VPS13D: variants seen among roughly 807,000 people sequenced by gnomAD.
VPS13D encodes intermembrane lipid transfer protein VPS13D.
VPS13D carries 187 observed loss-of-function variants against 461.9 expected under a neutral mutation model. That is an observed-to-expected ratio of 0.40 (90% CI 0.36 to 0.46). The LOEUF (loss-of-function observed/expected upper bound fraction) is 0.46. VPS13D is among the 20% of genes least tolerant of loss of function. The probability of loss-of-function intolerance (pLI) is 0.60; values close to 1 mark genes in which losing one functional copy is unlikely to be tolerated. For missense variants in VPS13D, 4,711 were observed against 5,364.9 expected (o/e 0.88, Z 3.81); for synonymous variants, 1,951 against 1,986.3 (o/e 0.98, Z 0.47).
intron 13 of VPS13D, among the ~76,000 whole-genome samples, chr1:12,266,322 A>G (rs1641266763): frequency 6.6e-6 from 1 of 152,246 alleles, no homozygotes; most frequent in South Asian, 2.1e-4. Flanking sequence ...ATCACCTGCT[A>G]CAGAGAAATC....
intron 7 of VPS13D, 23 bp downstream of exon 7, chr1:12,253,849 T>C: frequency 6.2e-7 from 1 of 1,602,638 alleles, no homozygotes; most frequent in Non-Finnish European, 8.5e-7. Context: ...CAGGGAGATT[T>C]GTTGCAAGAC....
intron 16 of VPS13D, among the ~76,000 whole-genome samples, chr1:12,269,517 G>A (rs1420029280): frequency 6.6e-6 from 1 of 152,142 alleles, no homozygotes; most frequent in African/African-American, 2.4e-5. Flanking sequence ...GGATATTTTA[G>A]ACCAGTGAAC....
chr1:12,481,258 A>G (rs942503587), intron 67 of VPS13D, among the ~76,000 whole-genome samples: 3 of 152,154 alleles, frequency 2.0e-5, no homozygotes, highest in African/African-American at 7.2e-5. Flanking sequence ...GCAAGTCTGC[A>G]TCCCAGTACC....
At chr1:12,478,372 AG>A (rs1645663742) in intron 67 of VPS13D, among the ~76,000 whole-genome samples, 1 of 152,360 alleles carries the variant, frequency 6.6e-6, no homozygotes, top group South Asian at 2.1e-4. Flanking sequence ...ATGATCTGAA[AG>A]GGGGAGGTTC....
chr1:12,314,638 C>T (rs1393885122), intron 30 of VPS13D, among the ~76,000 whole-genome samples: 1 of 152,066 alleles, frequency 6.6e-6, no homozygotes, highest in East Asian at 1.9e-4. Context: ...AGAAATTATG[C>T]TGGTTTAAGG....
chr1:12,452,046 T>G (rs1645269769), intron 65 of VPS13D, among the ~76,000 whole-genome samples: 1 of 152,182 alleles, frequency 6.6e-6, no homozygotes, highest in Admixed American at 6.5e-5. Context: ...AAATTCAAAC[T>G]CAGGTGTGAT....
In VPS13D at chr1:12,389,546, A is replaced by G. The variant is rs1297560413; in HGVS notation, c.11634+3212A>G. 3.3e-5 allele frequency among the ~76,000 whole-genome samples: 5 copies of G among 152,238 alleles called. No homozygotes were observed. In the East Asian group the frequency reaches 9.6e-4, roughly 29 times the overall value. ...CATAATGAAGGAGAAAGGAAATAAAATGAAGATATTTTCTTAGTACAAGTG... is the reference window on the plus strand; with the variant it reads ...CATAATGAAGGAGAAAGGAAATAAAGTGAAGATATTTTCTTAGTACAAGTG... On this transcript the variant is annotated intron_variant, in intron 60 of 69. Transcript: ENST00000620676.
intron 18 of VPS13D, among the ~76,000 whole-genome samples, chr1:12,275,017 G>C (rs1025245372): frequency 1.3e-5 from 2 of 152,110 alleles, no homozygotes; most frequent in African/African-American, 4.8e-5. Flanking sequence ...TCAGGAGTTC[G>C]AGACCAGTCT....
intron 67 of VPS13D, among the ~76,000 whole-genome samples, chr1:12,477,125 A>G (rs1645642754): frequency 6.6e-6 from 1 of 152,178 alleles, no homozygotes; most frequent in African/African-American, 2.4e-5. Flanking sequence ...GCTTGGGCCC[A>G]ACTCTTAGTA....
At chr1:12,486,357 A>G (rs1645796914) in intron 67 of VPS13D, among the ~76,000 whole-genome samples, 1 of 152,208 alleles carries the variant, frequency 6.6e-6, no homozygotes, top group Non-Finnish European at 1.5e-5. Context: ...GTCCAAAATA[A>G]TGAGAGCCGT....
intron 2 of VPS13D, among the ~76,000 whole-genome samples, chr1:12,237,487 T>G (rs142294985): frequency 2.0e-4 from 30 of 151,492 alleles, no homozygotes; most frequent in Non-Finnish European, 3.1e-4. Context: ...AGCAAGATGC[T>G]TTTCCCCCAA....
chr1:12,366,393 G>T (rs909934460), intron 52 of VPS13D, among the ~76,000 whole-genome samples: 11 of 152,114 alleles, frequency 7.2e-5, no homozygotes, highest in African/African-American at 2.2e-4. Context: ...GGAGCCTATT[G>T]GGTAGGGCTC....
At chr1:12,338,430 A>G in intron 40 of VPS13D, 125 bp downstream of exon 40, 1 of 775,670 alleles carries the variant, frequency 1.3e-6, no homozygotes, top group East Asian at 2.5e-5. Flanking sequence ...TACTTTAGTA[A>G]TAGGAAAGAA....
In VPS13D at chr1:12,323,718, C is replaced by G. The variant is rs749695847; in HGVS notation, c.7928C>G (p.Ala2643Gly). ...ATTTGTTTCCTAGAGTTACAGCTGG[C>G]TAGGCTGCAGGAGCTGGGATTCAGC... ...TLDPVLELQL[A>G]RLQELGFSMD... The change falls in exon 35 of 70, where the codon GCT becomes GGT. Residue 2643 changes from alanine (A) to glycine (G), a missense_variant. Coordinates refer to ENST00000620676, the MANE Select transcript of VPS13D (RefSeq NM_015378.4). 1.9e-6 allele frequency: 3 copies of G among 1,613,778 alleles called. No individual in the cohort carries two copies. The highest frequency in any genetic ancestry group is 2.2e-5 in the South Asian group (2 of 91,042).
intron 67 of VPS13D, among the ~76,000 whole-genome samples, chr1:12,493,270 C>T (rs1350613914): frequency 6.6e-6 from 1 of 151,338 alleles, no homozygotes; most frequent in Non-Finnish European, 1.5e-5. Context: ...GGGTGGATCA[C>T]GAGGTCAGGA....
At chr1:12,285,146 T>C (rs1481713346) in intron 21 of VPS13D, among the ~76,000 whole-genome samples, 1 of 152,174 alleles carries the variant, frequency 6.6e-6, no homozygotes, top group African/African-American at 2.4e-5. Flanking sequence ...AACATTTTTA[T>C]TGTGAAAAAA....
At chr1:12,363,368 C>G in intron 52 of VPS13D, 121 bp downstream of exon 52, 1 of 1,068,354 alleles carries the variant, frequency 9.4e-7, no homozygotes, top group African/African-American at 1.6e-5. Flanking sequence ...GGTCTTAGAA[C>G]TTGCAAAGTC....
chr1:12,438,379 G>A (rs750296428), intron 65 of VPS13D, among the ~76,000 whole-genome samples: 13 of 152,224 alleles, frequency 8.5e-5, no homozygotes, highest in Admixed American at 6.5e-5. Context: ...ATCAGACACC[G>A]AATCTGCTGT....
At chr1:12,461,463 ACT>A (rs1259668048) in intron 67 of VPS13D, among the ~76,000 whole-genome samples, 1 of 152,094 alleles carries the variant, frequency 6.6e-6, no homozygotes, top group Non-Finnish European at 1.5e-5. Context: ...AGCTGAGTAA[ACT>A]CTGTATGGTT....
Sources: gnomAD v4.1 joint callset for allele counts (sites outside exome capture counted in the v4.1 genomes callset) on GRCh38, gnomAD v4.1.1 for gene constraint, MANE v1.5 for transcripts, NCBI Gene and HGNC (gene_info 2026-07-23, HGNC 2026-07-21) for gene names.